ST18: variants seen among roughly 807,000 people sequenced by gnomAD.
ST18 encodes ST18 C2H2C-type zinc finger transcription factor.
ST18 carries 50 observed loss-of-function variants against 110.0 expected under a neutral mutation model. The observed-to-expected ratio is 0.45, with a 90% CI of 0.36 to 0.58. ST18 has a LOEUF of 0.58. Among genes scored for constraint, ST18 ranks in the 20% least tolerant of loss-of-function variants. The pLI is 0.00. For missense variants in ST18, 1,306 were observed against 1,280.1 expected (o/e 1.02, Z -0.31); for synonymous variants, 461 against 452.4 (o/e 1.02, Z -0.24).
In ST18 at chr8:52,149,741, C is replaced by T. The variant is rs964924549; in HGVS notation, c.2043G>A (p.Glu681=). Residue 681 remains glutamate (E), a synonymous_variant, in exon 16 of 26, where the codon GAG becomes GAA. Transcript: ENST00000689386. ...NYSKTHGKTE[E]EKEKDPVSSL... is the part of the protein sequence containing the mutation. ...CATATGGAAACAATACCTCTTTCTC[C>T]TCCTCTGTCTTCCCGTGAGTTTTGC... 2 of 1,613,782 alleles carry T rather than the reference C, an allele frequency of 1.2e-6. No individual in the cohort carries two copies. The highest frequency in any genetic ancestry group is 1.7e-6 in the Non-Finnish European group (2 of 1,179,842).
chr8:52,344,911 A>T (rs1290192327), intron 2 of ST18, among the ~76,000 whole-genome samples: 1 of 152,162 alleles, frequency 6.6e-6, no homozygotes, highest in East Asian at 1.9e-4. Context: ...TAAGGTATGT[A>T]TTATTGTTAT....
chr8:52,390,147 G>A (rs537414024), intron 2 of ST18, among the ~76,000 whole-genome samples: 11 of 152,252 alleles, frequency 7.2e-5, no homozygotes, highest in Non-Finnish European at 1.6e-4. Context: ...CAGAGAAGCA[G>A]GGAAAGTGGG....
At chr8:52,297,400 T>G (rs1307278648) in intron 2 of ST18, among the ~76,000 whole-genome samples, 1 of 152,240 alleles carries the variant, frequency 6.6e-6, no homozygotes, top group Non-Finnish European at 1.5e-5. Context: ...TGGTACAATC[T>G]TTTTTTAAAA....
intron 2 of ST18, among the ~76,000 whole-genome samples, chr8:52,333,720 C>T (rs1316168975): frequency 6.6e-6 from 1 of 152,172 alleles, no homozygotes; most frequent in Non-Finnish European, 1.5e-5. Flanking sequence ...TGAAATTGTG[C>T]CTACTTTCAT....
chr8:52,402,439 T>C (rs1035056340), intron 2 of ST18, among the ~76,000 whole-genome samples: 2 of 152,062 alleles, frequency 1.3e-5, no homozygotes, highest in Non-Finnish European at 2.9e-5. Flanking sequence ...TCCCAGTAGC[T>C]TGGGCCCAGG....
intron 9 of ST18, among the ~76,000 whole-genome samples, chr8:52,176,172 C>G (rs1317097382): frequency 2.0e-5 from 3 of 152,074 alleles, no homozygotes; most frequent in Non-Finnish European, 4.4e-5. Flanking sequence ...CAAGCAAACA[C>G]CACCGCATCC....
chr8:52,356,922 T>C (rs1822994596), intron 2 of ST18, among the ~76,000 whole-genome samples: 1 of 152,172 alleles, frequency 6.6e-6, no homozygotes, highest in Non-Finnish European at 1.5e-5. Context: ...ATAAGTCTTC[T>C]GAGATTATTC....
At chr8:52,388,960 T>A (rs1300209176) in intron 2 of ST18, among the ~76,000 whole-genome samples, 1 of 110,998 alleles carries the variant, frequency 9.0e-6, no homozygotes, top group African/African-American at 2.9e-5. Flanking sequence ...AAACTTAAAG[T>A]ATAATAATAA....
chr8:52,357,556 T>C (rs1262893851), intron 2 of ST18, among the ~76,000 whole-genome samples: 2 of 149,908 alleles, frequency 1.3e-5, no homozygotes, highest in East Asian at 3.9e-4. Flanking sequence ...AAATAAAATA[T>C]AAGACAAAAA....
At chr8:52,329,638 C>T (rs1348976257) in intron 2 of ST18, among the ~76,000 whole-genome samples, 1 of 152,076 alleles carries the variant, frequency 6.6e-6, no homozygotes, top group Non-Finnish European at 1.5e-5. Context: ...GCCTGTAATC[C>T]TAGCTACTCA....
At chr8:52,204,925 A>G (rs2079396351) in intron 8 of ST18, among the ~76,000 whole-genome samples, 1 of 152,162 alleles carries the variant, frequency 6.6e-6, no homozygotes, top group African/African-American at 2.4e-5. Context: ...AAGAAAATAA[A>G]GCATGTTTTC....
At chr8:52,389,854 A>C (rs1838662598) in intron 2 of ST18, among the ~76,000 whole-genome samples, 1 of 152,240 alleles carries the variant, frequency 6.6e-6, no homozygotes, top group Non-Finnish European at 1.5e-5. Context: ...AGTGGCGCTC[A>C]GATTAACAGG....
At position 52,135,846 on chromosome 8, in the gene ST18, G is replaced by A. The variant is rs369007314; in HGVS notation, c.2300+744C>T. Among the ~76,000 whole-genome samples the A allele has an allele frequency of 8.5e-4, 130 of 152,200 alleles. 3 individuals are homozygous for A. In the South Asian group the frequency reaches 0.025, roughly 30 times the overall value. On this transcript the variant is annotated intron_variant, in intron 19 of 25. Transcript: ENST00000689386. The stretch of plus-strand genomic sequence containing the variant: ...TTAGACACCAAACGCTGATGCTGCT[G>A]TCTACGCATATTGTTTTACCAGTAG...
At chr8:52,186,719 G>A (rs925538100) in intron 8 of ST18, among the ~76,000 whole-genome samples, 10 of 152,228 alleles carry the variant, frequency 6.6e-5, no homozygotes, top group African/African-American at 2.2e-4. Context: ...TACGCTAGCC[G>A]TGAGGAAAAG....
chr8:52,253,689 T>A (rs1244867072), intron 2 of ST18, among the ~76,000 whole-genome samples: 1 of 152,158 alleles, frequency 6.6e-6, no homozygotes, highest in African/African-American at 2.4e-5. Context: ...CTCACAAAGA[T>A]CTCCCCAATT....
intron 2 of ST18, among the ~76,000 whole-genome samples, chr8:52,378,849 A>G (rs1833402702): frequency 6.6e-6 from 1 of 152,180 alleles, no homozygotes; most frequent in Admixed American, 6.5e-5. Flanking sequence ...TAGAATTCCT[A>G]CCTCATTTTC....
intron 2 of ST18, among the ~76,000 whole-genome samples, chr8:52,308,102 C>A (rs886968995): frequency 2.0e-5 from 3 of 152,162 alleles, no homozygotes; most frequent in Non-Finnish European, 4.4e-5. Context: ...CAGGAAGACC[C>A]AGGGAGAATG....
chr8:52,168,417 G>A (rs2063716970), intron 10 of ST18, among the ~76,000 whole-genome samples: 1 of 152,024 alleles, frequency 6.6e-6, no homozygotes, highest in Non-Finnish European at 1.5e-5. Flanking sequence ...CCGGGGTGCT[G>A]TATTGTGAGA....
chr8:52,166,537 G>A (rs751617203), intron 11 of ST18, among the ~76,000 whole-genome samples: 2 of 152,078 alleles, frequency 1.3e-5, no homozygotes, highest in Non-Finnish European at 2.9e-5. Context: ...CCCACTGTCC[G>A]CACTCCCTCT....
Sources: gnomAD v4.1 joint callset for allele counts (sites outside exome capture counted in the v4.1 genomes callset) on GRCh38, gnomAD v4.1.1 for gene constraint, MANE v1.5 for transcripts, NCBI Gene and HGNC (gene_info 2026-07-23, HGNC 2026-07-21) for gene names.